Variants in ARHGAP4 observed in about 807,000 individuals in gnomAD.
ARHGAP4 encodes rho GTPase-activating protein 4.
Under a neutral mutation model 67.6 loss-of-function variants are expected in ARHGAP4, and 25 were observed. That is an observed-to-expected ratio of 0.37 (90% confidence interval 0.27 to 0.52). The LOEUF is 0.52. ARHGAP4 is among the 20% of genes least tolerant of loss of function. The probability of loss-of-function intolerance (pLI) is 0.92; values close to 1 mark genes in which losing one functional copy is unlikely to be tolerated. For synonymous variants in ARHGAP4, 448 were observed against 373.7 expected (o/e 1.20, Z -2.29); for missense variants, 804 against 854.6 (o/e 0.94, Z 0.74).
chrX:153,913,221 G>A lies in ARHGAP4; in HGVS notation c.1408C>T (p.Arg470Ter). ...KHEKLQEALQ[R>*]GDKEEQEVSW... Reference sequence around the variant, plus strand: ...AAGGGGGCAGCACTGGGCCCACCTCGCTGAAGGGCCTCCTGCAGCTTCTCG... The same window carrying A: ...AAGGGGGCAGCACTGGGCCCACCTCACTGAAGGGCCTCCTGCAGCTTCTCG... The change falls in exon 10 of 22, where the codon CGA (arginine) becomes TGA (stop). Residue 470 changes from arginine (R) to a stop codon, truncating the protein, a stop_gained. Coordinates refer to ENST00000350060, the MANE Select transcript of ARHGAP4 (RefSeq NM_001666.5). LOFTEE classifies it high-confidence loss of function. 1.7e-6 allele frequency: 2 copies of A among 1,168,012 alleles called. No individual in the cohort carries two copies. Among genetic ancestry groups the A allele is most frequent in the Non-Finnish European group, 1.1e-6 (1 of 873,329 alleles).
In ARHGAP4 at chrX:153,909,845, C is replaced by T; in HGVS notation, c.2310G>A (p.Gly770=). 2 of 1,202,413 alleles carry T rather than the reference C, an allele frequency of 1.7e-6. No individual in the cohort carries two copies. The highest frequency in any genetic ancestry group is 2.4e-4 in the Middle Eastern group (1 of 4,227). ...RTAQELSFRR[G]DVLRLHERAS... is the part of the protein sequence containing the mutation. Reference sequence around the variant, plus strand: ...CCCTCTCGTGCAGCCGCAGTACGTCCCCCCGCCGGAAGCTCAGCTCCTGGG... The same window carrying T: ...CCCTCTCGTGCAGCCGCAGTACGTCTCCCCGCCGGAAGCTCAGCTCCTGGG... Residue 770 remains glycine, a synonymous_variant, in exon 19 of 22, where the codon GGG becomes GGA. Transcript: ENST00000350060.
At chrX:153,924,724 A>T (rs1386883308) in intron 1 of ARHGAP4, among the ~76,000 whole-genome samples, 2 of 111,754 alleles carry the variant, frequency 1.8e-5, no homozygotes, top group Admixed American at 1.9e-4. Flanking sequence ...GCACAGATGT[A>T]TAGGAAACAT....
chrX:153,919,490 C>A, intron 5 of ARHGAP4: 1 of 1,121,626 alleles, frequency 8.9e-7, no homozygotes, highest in Non-Finnish European at 1.2e-6. Context: ...CCCGGCTGTT[C>A]ACCCGCCACT....
Position 153,911,185 on chromosome X carries a change from G to C in ARHGAP4, c.1547C>G (p.Ser516Ter). The C allele has an allele frequency of 1.7e-6, 2 of 1,164,123 alleles. No individual in the cohort carries two copies. Among genetic ancestry groups the C allele is most frequent in the Non-Finnish European group, 2.3e-6 (2 of 870,032 alleles). The change falls in exon 13 of 22, where the codon TCA (serine) becomes TGA (stop). Residue 516 changes from serine to a stop codon, truncating the protein, a stop_gained. Coordinates refer to ENST00000350060, the MANE Select transcript of ARHGAP4 (RefSeq NM_001666.5). LOFTEE classifies it high-confidence loss of function. The stretch of plus-strand genomic sequence containing the variant: ...CACCACCAGGGGCACAGGCTGGCCT[G>C]AGCTCTGGGGACAGAGGGTGTTTAC... ...GGDMEKFIQSSGQPVPLVVES... is the reference protein window; with the variant it reads ...GGDMEKFIQS
intron 16 of ARHGAP4, 46 bp downstream of exon 16, chrX:153,910,460 C>T: frequency 8.7e-7 from 1 of 1,153,543 alleles, no homozygotes; most frequent in Non-Finnish European, 1.2e-6. Context: ...CCCCCTGTCC[C>T]CTCGACCCCT....
intron 5 of ARHGAP4, among the ~76,000 whole-genome samples, chrX:153,920,070 T>C (rs1273572423): frequency 9.0e-6 from 1 of 111,585 alleles, no homozygotes; most frequent in African/African-American, 3.3e-5. Context: ...CAGGCGTGAG[T>C]CACCGCACCT....
Position 153,921,088 on chromosome X carries a change from T to C in ARHGAP4, c.498+9A>G. 8.3e-7 allele frequency: 1 copy of C among 1,201,203 alleles called. No individual in the cohort carries two copies. Among genetic ancestry groups the C allele is most frequent in the Non-Finnish European group, 1.1e-6 (1 of 889,481 alleles). Reference sequence around the variant, plus strand: ...ATTGGGGCAGGCCCCTCCCCAGCCCTTTCCTCACCGTCTGGAGCTCTGAGA... The same window carrying C: ...ATTGGGGCAGGCCCCTCCCCAGCCCCTTCCTCACCGTCTGGAGCTCTGAGA... On this transcript the variant is annotated intron_variant, in intron 4 of 21. Coordinates refer to ENST00000350060, the MANE Select transcript of ARHGAP4 (RefSeq NM_001666.5).
At chrX:153,922,074 G>A in intron 1 of ARHGAP4, 1 of 991,875 alleles carries the variant, frequency 1.0e-6, no homozygotes, top group Non-Finnish European at 1.3e-6. Context: ...GGGGGAAGGG[G>A]AAGGGTGTCC....
At chrX:153,911,390 G>A (rs1557103273) in intron 12 of ARHGAP4, among the ~76,000 whole-genome samples, 1 of 109,223 alleles carries the variant, frequency 9.2e-6, no homozygotes, top group Non-Finnish European at 1.9e-5. Context: ...CCCCAATGGT[G>A]GGATTACAGG....
In ARHGAP4 at chrX:153,909,871, C is replaced by T; in HGVS notation, c.2284G>A (p.Ala762Thr). Reference sequence around the variant, plus strand: ...CCCCGCCGGAAGCTCAGCTCCTGGGCTGTGCGGCCCGTGTAGGCAAAGCAG... The same window carrying T: ...CCCCGCCGGAAGCTCAGCTCCTGGGTTGTGCGGCCCGTGTAGGCAAAGCAG... ...VACFAYTGRT[A>T]QELSFRRGDV... The change falls in exon 19 of 22, where the codon GCC becomes ACC. Residue 762 changes from alanine to threonine, a missense_variant. Ala to Thr is a moderately conservative substitution (Grantham distance 58). Coordinates refer to ENST00000350060, the MANE Select transcript of ARHGAP4 (RefSeq NM_001666.5). The T allele has an allele frequency of 8.3e-7, 1 of 1,204,542 alleles. No individual in the cohort carries two copies. The highest frequency in any genetic ancestry group is 1.1e-6 in the Non-Finnish European group (1 of 892,496).
At chrX:153,919,759 TG>T in intron 5 of ARHGAP4, 1 of 1,001,789 alleles carries the variant, frequency 1.0e-6, no homozygotes. Flanking sequence ...TGCTGGCACC[TG>T]GGTTCTAAAA....
At position 153,907,784 on chromosome X, in the gene ARHGAP4, G is replaced by T. The variant is rs1557101583; in HGVS notation, c.2786C>A (p.Ala929Asp). Reference sequence around the variant, plus strand: ...CTGGGGGTGGGAAGCTGAGGGTGAGGCTGGGGCCCCAGGGCCCCGGGAGAA... The same window carrying T: ...CTGGGGGTGGGAAGCTGAGGGTGAGTCTGGGGCCCCAGGGCCCCGGGAGAA... ...KGFSRGPGAP[A>D]SPSASHPQGL... is the part of the protein sequence containing the mutation. Residue 929 changes from alanine to aspartate, a missense_variant, in exon 22 of 22, where the codon GCC becomes GAC. Physicochemically the swap from Ala to Asp is moderately radical, Grantham distance 126. Coordinates refer to ENST00000350060, the MANE Select transcript of ARHGAP4 (RefSeq NM_001666.5). 8 of 1,012,437 alleles carry T rather than the reference G, an allele frequency of 7.9e-6. No homozygotes were observed. The highest frequency in any genetic ancestry group is 6.3e-6 in the Non-Finnish European group (5 of 789,712). The allele number at this position is 1,012,437 out of a possible 1,213,427, so 83.4% of individuals were successfully genotyped here.
rs1166142951 is a variant in ARHGAP4 at position 153,919,032 on chromosome X, G to C, written c.832C>G (p.Leu278Val). ...LMDCCDTGFH[L>V]ALGQVLRSYT... ...CTCCGGAGCACCTGCCCCAGGGCCA[G>C]GTGGAACCCTGTGTCACAGCACTGA... is the stretch of plus-strand genomic sequence containing the variant. Residue 278 changes from leucine to valine, a missense_variant, in exon 7 of 22, where the codon CTG becomes GTG. Around this residue, in one of 2 missense-constraint regions of ARHGAP4, gnomAD observed 404 missense variants for 505.9 expected, o/e 0.80. Coordinates refer to ENST00000350060, the MANE Select transcript of ARHGAP4 (RefSeq NM_001666.5). 6 of 1,209,892 alleles carry C rather than the reference G, an allele frequency of 5.0e-6. No homozygotes were observed. Among genetic ancestry groups the C allele is most frequent in the Non-Finnish European group, 6.7e-6 (6 of 895,070 alleles).
At chrX:153,924,990 T>C (rs1052832687) in intron 1 of ARHGAP4, among the ~76,000 whole-genome samples, 1 of 112,181 alleles carries the variant, frequency 8.9e-6, no homozygotes, top group African/African-American at 3.2e-5. Flanking sequence ...TGAGGAACCC[T>C]TAGACAGTCG....
intron 7 of ARHGAP4, among the ~76,000 whole-genome samples, 180 bp downstream of exon 7, chrX:153,918,652 T>C (rs782657315): frequency 8.9e-6 from 1 of 112,573 alleles, no homozygotes; most frequent in African/African-American, 3.2e-5. Flanking sequence ...CCTTGGCCAT[T>C]GCGGGGGTGC....
At chrX:153,923,481 A>G (rs893230059) in intron 1 of ARHGAP4, among the ~76,000 whole-genome samples, 1 of 109,876 alleles carries the variant, frequency 9.1e-6, no homozygotes. Flanking sequence ...CTGTCCCTCC[A>G]CTCCCTGCCC....
At chrX:153,915,992 C>T (rs909554221) in intron 7 of ARHGAP4, among the ~76,000 whole-genome samples, 3 of 111,893 alleles carry the variant, frequency 2.7e-5, no homozygotes, top group South Asian at 3.8e-4. Context: ...CCTATCAGCC[C>T]GGCCTCAGTG....
Position 153,919,202 on chromosome X carries a change from C to T in ARHGAP4, c.763G>A (p.Ala255Thr), listed in dbSNP as rs1394791174. Residue 255 changes from alanine (A) to threonine (T), a missense_variant, in exon 6 of 22, where the codon GCT becomes ACT. Coordinates refer to ENST00000350060, the MANE Select transcript of ARHGAP4 (RefSeq NM_001666.5). Reference protein sequence around the residue: ...EYLLSLASVNAAVSNYYLHDV... With the variant: ...EYLLSLASVNTAVSNYYLHDV... ...TGCAGGTAGTAGTTACTGACAGCAG[C>T]GTTGACACTAGCCAGGCTAAGCAGG... The T allele has an allele frequency of 2.5e-6, 3 of 1,211,017 alleles. No individual in the cohort carries two copies. Among genetic ancestry groups the T allele is most frequent in the South Asian group, 3.5e-5 (2 of 56,888 alleles).
intron 1 of ARHGAP4, among the ~76,000 whole-genome samples, chrX:153,925,670 G>A (rs2065121253): frequency 8.9e-6 from 1 of 112,167 alleles, no homozygotes; most frequent in Non-Finnish European, 1.9e-5. Flanking sequence ...AGTGCTAAAG[G>A]GAGGCAAAAG....
Sources: gnomAD v4.1 joint callset for allele counts (sites outside exome capture counted in the v4.1 genomes callset) on GRCh38, gnomAD v4.1.1 for gene constraint, gnomAD v4.1.1 regional missense constraint, MANE v1.5 for transcripts, NCBI Gene and HGNC (gene_info 2026-07-23, HGNC 2026-07-21) for gene names.